The following ACVR1 variants were observed in gnomAD, a reference collection of about 807,000 sequenced individuals.
ACVR1 encodes activin receptor type-1.
A neutral mutation model predicts 57.1 loss-of-function variants in ACVR1; 38 were observed. That is an observed-to-expected ratio of 0.67 (90% CI 0.51 to 0.87). The LOEUF (loss-of-function observed/expected upper bound fraction) is 0.87. Ranked by LOEUF, ACVR1 falls within the 40% of genes least tolerant of loss-of-function variation. The pLI is 0.00. For missense variants in ACVR1, 463 were observed against 638.2 expected (o/e 0.73, Z 2.96); for synonymous variants, 212 against 228.1 (o/e 0.93, Z 0.63).
chr2:157,872,684 G>A (rs1690150957), intron 1 of ACVR1, among the ~76,000 whole-genome samples: 1 of 152,146 alleles, frequency 6.6e-6, no homozygotes, highest in South Asian at 2.1e-4. Context: ...CTGCAAACAA[G>A]GCACCAAGCT....
At chr2:157,775,415 G>A (rs1277765644) in intron 5 of ACVR1, among the ~76,000 whole-genome samples, 1 of 152,218 alleles carries the variant, frequency 6.6e-6, no homozygotes, top group African/African-American at 2.4e-5. Context: ...TAAAGGTAGA[G>A]TTGCAGTAAT....
chr2:157,788,854 T>C (rs1337846341), intron 3 of ACVR1, among the ~76,000 whole-genome samples: 1 of 152,036 alleles, frequency 6.6e-6, no homozygotes, highest in African/African-American at 2.4e-5. Context: ...TAATGCTACT[T>C]CCCTATCCTC....
intron 1 of ACVR1, among the ~76,000 whole-genome samples, chr2:157,874,379 T>A (rs1220140711): frequency 6.6e-6 from 1 of 152,154 alleles, no homozygotes; most frequent in Non-Finnish European, 1.5e-5. Context: ...ATCAGTGAAA[T>A]GGATGAGGCC....
At chr2:157,807,726 T>C (rs893121040) in intron 2 of ACVR1, among the ~76,000 whole-genome samples, 2 of 152,072 alleles carry the variant, frequency 1.3e-5, no homozygotes, top group African/African-American at 2.4e-5. Context: ...GTGCCTGACC[T>C]GACGTTTCCC....
chr2:157,781,655 G>A (rs1686529499), intron 3 of ACVR1, among the ~76,000 whole-genome samples: 1 of 152,204 alleles, frequency 6.6e-6, no homozygotes, highest in Non-Finnish European at 1.5e-5. Flanking sequence ...AAGGTGCAAT[G>A]GAAAGAGGCA....
chr2:157,760,156 T>A (rs780468171), intron 9 of ACVR1, among the ~76,000 whole-genome samples: 2 of 152,150 alleles, frequency 1.3e-5, no homozygotes, highest in Non-Finnish European at 2.9e-5. Context: ...GAAGTCAAAT[T>A]GTCCCTCTTT....
At chr2:157,822,991 G>T (rs929152937) in intron 1 of ACVR1, among the ~76,000 whole-genome samples, 2 of 152,176 alleles carry the variant, frequency 1.3e-5, no homozygotes, top group African/African-American at 4.8e-5. Flanking sequence ...CCAAGCGTAG[G>T]ATATGTATAC....
At chr2:157,739,631 A>C (rs1398562385) in intron 9 of ACVR1, among the ~76,000 whole-genome samples, 1 of 151,900 alleles carries the variant, frequency 6.6e-6, no homozygotes, top group Non-Finnish European at 1.5e-5. Flanking sequence ...CGACAGAAGG[A>C]GTGTGAGGAA....
At chr2:157,742,422 T>G (rs1684808692) in intron 9 of ACVR1, among the ~76,000 whole-genome samples, 1 of 152,118 alleles carries the variant, frequency 6.6e-6, no homozygotes, top group African/African-American at 2.4e-5. Flanking sequence ...AGGCCTCGCC[T>G]CCCATGTAAG....
intron 1 of ACVR1, among the ~76,000 whole-genome samples, chr2:157,856,138 G>GA (rs998050007): frequency 1.3e-5 from 2 of 151,952 alleles, no homozygotes; most frequent in Non-Finnish European, 2.9e-5. Flanking sequence ...AGTAGAGGTA[G>GA]AAAAAAAGTG....
At chr2:157,845,476 G>C (rs1689101869) in intron 1 of ACVR1, among the ~76,000 whole-genome samples, 1 of 152,122 alleles carries the variant, frequency 6.6e-6, no homozygotes. Flanking sequence ...ACCAGAAGCT[G>C]AAAGGAGCTA....
At chr2:157,872,855 C>T (rs1334727602) in intron 1 of ACVR1, among the ~76,000 whole-genome samples, 1 of 152,062 alleles carries the variant, frequency 6.6e-6, no homozygotes, top group Non-Finnish European at 1.5e-5. Context: ...TCACCCAATC[C>T]AAAAACCAGA....
At chr2:157,770,284 C>T in intron 7 of ACVR1, 84 bp downstream of exon 7, 1 of 1,508,286 alleles carries the variant, frequency 6.6e-7, no homozygotes, top group Non-Finnish European at 9.2e-7. Context: ...CTCTCGAATT[C>T]ACATTCACCA....
chr2:157,775,207 T>A (rs1192168455), intron 5 of ACVR1, among the ~76,000 whole-genome samples: 1 of 152,162 alleles, frequency 6.6e-6, no homozygotes, highest in Non-Finnish European at 1.5e-5. Flanking sequence ...CACTCACAAA[T>A]CAGAAAAGAA....
rs188569896 is a variant in ACVR1, at chr2:157,756,965, A to G, written c.1264+3915T>C. On this transcript the variant is annotated intron_variant, in intron 9 of 10. Transcript: ENST00000434821. ...ATCTATCTATCTACACGTATTTTTT[A>G]TATATATTTATATATATATATTTGA... 5.7e-4 allele frequency among the ~76,000 whole-genome samples: 82 copies of G among 143,962 alleles called. No individual in the cohort carries two copies. In the East Asian group the frequency reaches 0.014, roughly 24 times the overall value. 94.4% of individuals were successfully genotyped at this position (143,962 alleles called of 152,430 possible). A position where few individuals can be genotyped will look rare whatever the true frequency, so the allele number is the denominator to read the frequency against.
At chr2:157,841,850 C>T (rs1041767371) in intron 1 of ACVR1, among the ~76,000 whole-genome samples, 2 of 151,838 alleles carry the variant, frequency 1.3e-5, no homozygotes, top group Non-Finnish European at 2.9e-5. Flanking sequence ...AGTGAAACCC[C>T]ATCTGTATGA....
intron 9 of ACVR1, among the ~76,000 whole-genome samples, chr2:157,742,356 G>C (rs1185260577): frequency 6.6e-6 from 1 of 152,188 alleles, no homozygotes; most frequent in African/African-American, 2.4e-5. Context: ...AATGACACAG[G>C]AAGGCAGGGG....
chr2:157,856,163 T>C (rs1430975469), intron 1 of ACVR1, among the ~76,000 whole-genome samples: 3 of 152,174 alleles, frequency 2.0e-5, no homozygotes, highest in Non-Finnish European at 2.9e-5. Context: ...AATGTGCTTT[T>C]TTCCTGTGGC....
intron 1 of ACVR1, among the ~76,000 whole-genome samples, chr2:157,851,123 C>CA (rs532665712): frequency 5.3e-5 from 8 of 152,006 alleles, no homozygotes; most frequent in African/African-American, 1.7e-4. Flanking sequence ...AAATGGAATC[C>CA]AATGCAAACT....
Sources: gnomAD v4.1 joint callset for allele counts (sites outside exome capture counted in the v4.1 genomes callset) on GRCh38, gnomAD v4.1.1 for gene constraint, MANE v1.5 for transcripts, NCBI Gene and HGNC (gene_info 2026-07-23, HGNC 2026-07-21) for gene names.